The following CAST variants were observed in gnomAD, a reference collection of about 807,000 sequenced individuals.
CAST encodes calpastatin.
In CAST, 76 loss-of-function variants were observed where a neutral mutation model predicts 119.6. That is an observed-to-expected ratio of 0.64 (90% CI 0.53 to 0.77). The LOEUF is 0.77. Ranked by LOEUF, CAST falls within the 30% of genes least tolerant of loss-of-function variation. CAST has a pLI of 0.00. For missense variants in CAST, 953 were observed against 946.5 expected (o/e 1.01, Z -0.09); for synonymous variants, 319 against 331.6 (o/e 0.96, Z 0.41).
At chr5:96,228,513 A>G in the CAST span, among the ~76,000 whole-genome samples, 1 of 142,898 alleles carries the variant, frequency 7.0e-6, no homozygotes, top group Admixed American at 7.5e-5. Flanking sequence ...TCTTGATTAA[A>G]CCTGTTAAGT....
At chr5:96,548,520 C>G (rs1381959544) in intron 1 of CAST, among the ~76,000 whole-genome samples, 1 of 151,984 alleles carries the variant, frequency 6.6e-6, no homozygotes, top group Non-Finnish European at 1.5e-5. Flanking sequence ...GGTAGATGCA[C>G]CCCCCGCCCC....
the CAST span, among the ~76,000 whole-genome samples, chr5:96,298,034 A>G: frequency 6.6e-6 from 1 of 152,210 alleles, no homozygotes; most frequent in Admixed American, 6.5e-5. Context: ...CCACATATAC[A>G]GATCTGTTGC....
At chr5:96,640,271 C>G (rs1747934364) in intron 1 of CAST, among the ~76,000 whole-genome samples, 1 of 152,034 alleles carries the variant, frequency 6.6e-6, no homozygotes, top group Non-Finnish European at 1.5e-5. Flanking sequence ...GCATGGATAG[C>G]AGATGAGGCC....
chr5:96,736,193 A>G lies in CAST; in HGVS notation c.652A>G (p.Thr218Ala), dbSNP rs1309684760. The G allele has an allele frequency of 1.9e-6, 3 of 1,612,444 alleles. No homozygotes were observed. In the African/African-American group the frequency reaches 4.0e-5, roughly 22 times the overall value. Reference protein sequence around the residue: ...GDKKKEKKSLTPAVPVESKPD... With the variant: ...GDKKKEKKSLAPAVPVESKPD... ...CCAGAAAAAAGAAAAGAAATCATTA[A>G]CCCCAGCTGTGCCAGTTGAATCTAA... The change falls in exon 10 of 32, where the codon ACC becomes GCC. Residue 218 changes from threonine (T) to alanine (A), a missense_variant. Physicochemically the swap from Thr to Ala is moderately conservative, Grantham distance 58 (BLOSUM62 0). Transcript: ENST00000675179.
intron 9 of CAST, among the ~76,000 whole-genome samples, chr5:96,732,033 A>C (rs1464717274): frequency 1.3e-5 from 2 of 151,560 alleles, no homozygotes; most frequent in South Asian, 2.1e-4. Context: ...TGGGATGGCT[A>C]GGTCAAATGG....
chr5:96,683,617 C>G (rs994061083), intron 2 of CAST, among the ~76,000 whole-genome samples: 2 of 152,134 alleles, frequency 1.3e-5, no homozygotes, highest in African/African-American at 4.8e-5. Flanking sequence ...TTTGCATCAC[C>G]TCTTTTGTGG....
chr5:96,136,859 C>T, the CAST span, among the ~76,000 whole-genome samples: 1 of 152,144 alleles, frequency 6.6e-6, no homozygotes, highest in Non-Finnish European at 1.5e-5. Context: ...ACAACTTTAT[C>T]AACAAGAGTT....
chr5:96,437,304 A>C, the CAST span, among the ~76,000 whole-genome samples: 1 of 152,244 alleles, frequency 6.6e-6, no homozygotes. Context: ...TGAGTGCCAT[A>C]AATTCCACTT....
intron 1 of CAST, among the ~76,000 whole-genome samples, chr5:96,627,066 T>C (rs779502509): frequency 5.3e-5 from 8 of 152,174 alleles, no homozygotes; most frequent in Non-Finnish European, 1.2e-4. Context: ...AACAGCTACA[T>C]GTCAAGGTTA....
At chr5:96,245,150 A>G in the CAST span, among the ~76,000 whole-genome samples, 1 of 152,240 alleles carries the variant, frequency 6.6e-6, no homozygotes. Context: ...AACTTTCTAA[A>G]TTCTAGAGAA....
the CAST span, among the ~76,000 whole-genome samples, chr5:96,370,529 AC>A: frequency 6.6e-6 from 1 of 152,018 alleles, no homozygotes; most frequent in Admixed American, 6.6e-5. Flanking sequence ...TTTAATTTTC[AC>A]CCCCCACAAC....
chr5:96,619,563 A>G (rs930262506), intron 1 of CAST, among the ~76,000 whole-genome samples: 3 of 152,192 alleles, frequency 2.0e-5, no homozygotes, highest in Non-Finnish European at 4.4e-5. Context: ...GCTTTTTGCA[A>G]TAAATCTTGC....
intron 1 of CAST, among the ~76,000 whole-genome samples, chr5:96,663,892 C>CT (rs1164561455): frequency 6.8e-6 from 1 of 148,020 alleles, no homozygotes; most frequent in African/African-American, 2.5e-5. Context: ...GCTGGCACTT[C>CT]TAGTGTTTTG....
chr5:96,065,401 C>CTG, the CAST span, among the ~76,000 whole-genome samples: 21,037 of 149,026 alleles, frequency 0.14, 1,782 homozygotes, highest in Non-Finnish European at 0.2. Flanking sequence ...GGTTAATGAT[C>CTG]TGTGTGTGTG....
At chr5:95,994,150 C>A in the CAST span, among the ~76,000 whole-genome samples, 1 of 152,112 alleles carries the variant, frequency 6.6e-6, no homozygotes, top group Admixed American at 6.5e-5. Context: ...TGACCCAACA[C>A]TCTCCTATTT....
chr5:96,237,076 T>C, the CAST span, among the ~76,000 whole-genome samples: 30 of 152,334 alleles, frequency 2.0e-4, 1 homozygote, highest in East Asian at 5.8e-3. Context: ...CCCAGATTCT[T>C]CTGGTAAGTG....
chr5:96,107,779 A>C, the CAST span, among the ~76,000 whole-genome samples: 6 of 152,320 alleles, frequency 3.9e-5, no homozygotes, highest in South Asian at 1.2e-3. Flanking sequence ...CTGCCTTGTT[A>C]GATTGGGGAA....
At chr5:96,666,767 A>G (rs2150226811) in intron 1 of CAST, among the ~76,000 whole-genome samples, 1 of 152,272 alleles carries the variant, frequency 6.6e-6, no homozygotes, top group African/African-American at 2.4e-5. Flanking sequence ...CACTTCCCAG[A>G]AGGTTAATTA....
chr5:96,410,486 G>T, the CAST span, among the ~76,000 whole-genome samples: 2 of 151,994 alleles, frequency 1.3e-5, no homozygotes, highest in African/African-American at 2.4e-5. Context: ...CAGACAAGCA[G>T]AAAAGACATT....
Sources: allele counts gnomAD v4.1 joint callset (sites outside exome capture counted in the v4.1 genomes callset), GRCh38; gene constraint gnomAD v4.1.1; transcripts MANE v1.5; gene names NCBI Gene and HGNC (gene_info 2026-07-23, HGNC 2026-07-21).